Variants in PTPRD observed in about 807,000 individuals in gnomAD.
The protein encoded by PTPRD is receptor-type tyrosine-protein phosphatase delta.
PTPRD carries 34 observed loss-of-function variants against 214.5 expected under a neutral mutation model. The ratio of observed to expected loss-of-function variants is 0.16; its 90% CI spans 0.12 to 0.21. PTPRD has a LOEUF of 0.21. Among genes scored for constraint, PTPRD ranks in the 10% least tolerant of loss-of-function variants. The probability of loss-of-function intolerance (pLI) is 1.00; values close to 1 mark genes in which losing one functional copy is unlikely to be tolerated. For missense variants in PTPRD, 2,545 were observed against 2,398.7 expected (o/e 1.06, Z -1.27); for synonymous variants, 1,128 against 845.7 (o/e 1.33, Z -5.79).
intron 5 of PTPRD, among the ~76,000 whole-genome samples, chr9:9,865,090 C>G (rs1456480733): frequency 5.3e-5 from 8 of 152,014 alleles, no homozygotes; most frequent in Non-Finnish European, 1.2e-4. Flanking sequence ...AATTGCAAAT[C>G]TACTGTTTCT....
chr9:8,718,276 G>T (rs1349717059), intron 12 of PTPRD, among the ~76,000 whole-genome samples: 1 of 152,020 alleles, frequency 6.6e-6, no homozygotes, highest in African/African-American at 2.4e-5. Flanking sequence ...GCCCAGTAGG[G>T]GTGTCAGATT....
chr9:10,076,399 A>G (rs757624541), intron 3 of PTPRD, among the ~76,000 whole-genome samples: 4 of 152,090 alleles, frequency 2.6e-5, no homozygotes, highest in Non-Finnish European at 5.9e-5. Context: ...TTCTTTGGAA[A>G]TGTAGGAAAA....
chr9:9,964,263 C>T (rs936756463), intron 4 of PTPRD, among the ~76,000 whole-genome samples: 4 of 152,146 alleles, frequency 2.6e-5, no homozygotes, highest in Non-Finnish European at 5.9e-5. Context: ...TATTTAACCG[C>T]TACTAGGACA....
intron 7 of PTPRD, among the ~76,000 whole-genome samples, chr9:9,694,038 A>T (rs557628912): frequency 1.3e-5 from 2 of 152,308 alleles, no homozygotes; most frequent in South Asian, 4.1e-4. Flanking sequence ...TCCTCAAAAC[A>T]GCAATTTTGA....
At chr9:10,598,664 T>TTA (rs151215633) in intron 2 of PTPRD, among the ~76,000 whole-genome samples, 4 of 120,112 alleles carry the variant, frequency 3.3e-5, no homozygotes, top group African/African-American at 1.2e-4. Flanking sequence ...TGAACCATTT[T>TTA]TATATATGTA....
intron 7 of PTPRD, among the ~76,000 whole-genome samples, chr9:9,717,446 T>C (rs1238537445): frequency 6.6e-6 from 1 of 152,206 alleles, no homozygotes; most frequent in African/African-American, 2.4e-5. Context: ...TTGGGCAGTA[T>C]GGCCATTTTC....
intron 10 of PTPRD, among the ~76,000 whole-genome samples, chr9:9,147,443 A>G (rs1000546567): frequency 6.6e-6 from 1 of 152,030 alleles, no homozygotes; most frequent in Non-Finnish European, 1.5e-5. Context: ...TGAAGCTTCT[A>G]CTTATTCTCT....
intron 2 of PTPRD, among the ~76,000 whole-genome samples, chr9:10,343,423 T>G (rs924470508): frequency 6.6e-6 from 1 of 152,174 alleles, no homozygotes; most frequent in Non-Finnish European, 1.5e-5. Flanking sequence ...TTGTGAATAG[T>G]GCTGCAATAT....
chr9:8,647,276 T>C (rs72700312), intron 12 of PTPRD, among the ~76,000 whole-genome samples: 6,577 of 152,326 alleles, frequency 0.043, 432 homozygotes, highest in African/African-American at 0.14. Context: ...GACTTTACTC[T>C]TCTAATTGTA....
At chr9:9,562,468 C>A (rs941510044) in intron 8 of PTPRD, among the ~76,000 whole-genome samples, 1 of 152,120 alleles carries the variant, frequency 6.6e-6, no homozygotes, top group Non-Finnish European at 1.5e-5. Context: ...TGCTTAAAAT[C>A]CTTCAATGGC....
chr9:9,874,795 C>A (rs770962326), intron 5 of PTPRD, among the ~76,000 whole-genome samples: 1 of 152,114 alleles, frequency 6.6e-6, no homozygotes, highest in Non-Finnish European at 1.5e-5. Context: ...CATTTGGAAA[C>A]GTATGTAGGA....
intron 43 of PTPRD, among the ~76,000 whole-genome samples, chr9:8,336,982 G>C (rs1847570010): frequency 6.6e-6 from 1 of 152,184 alleles, no homozygotes; most frequent in African/African-American, 2.4e-5. Context: ...AAATAGGAAT[G>C]CTTTTACACT....
chr9:8,409,056 A>C (rs1409032806), intron 35 of PTPRD, among the ~76,000 whole-genome samples: 1 of 152,228 alleles, frequency 6.6e-6, no homozygotes, highest in Non-Finnish European at 1.5e-5. Flanking sequence ...GATGGATTAG[A>C]GGTTTGCATT....
At chr9:10,573,347 A>C (rs17792943) in intron 2 of PTPRD, among the ~76,000 whole-genome samples, 39,945 of 152,060 alleles carry the variant, frequency 0.26, 5,668 homozygotes, top group African/African-American at 0.34. Context: ...AATGCAAGTA[A>C]CCCCAACTCA....
chr9:8,953,963 T>C (rs1309368500), intron 11 of PTPRD, among the ~76,000 whole-genome samples: 1 of 151,972 alleles, frequency 6.6e-6, no homozygotes, highest in Non-Finnish European at 1.5e-5. Context: ...AAAACAGTGC[T>C]ATAATTCAAC....
chr9:10,274,034 C>T (rs766845509), intron 3 of PTPRD, among the ~76,000 whole-genome samples: 1 of 152,056 alleles, frequency 6.6e-6, no homozygotes, highest in Non-Finnish European at 1.5e-5. Flanking sequence ...AACAGAATTT[C>T]ATTCTTGAGA....
intron 3 of PTPRD, among the ~76,000 whole-genome samples, chr9:10,204,714 T>G (rs769078807): frequency 1.8e-4 from 28 of 152,274 alleles, no homozygotes; most frequent in South Asian, 8.3e-4. Flanking sequence ...TTGGAAAAAG[T>G]GTCTGCAATC....
At chr9:10,042,397 AG>A in intron 3 of PTPRD, among the ~76,000 whole-genome samples, 1 of 151,950 alleles carries the variant, frequency 6.6e-6, no homozygotes, top group East Asian at 1.9e-4. Context: ...ACTTACACAA[AG>A]GTAGCTCTAT....
intron 11 of PTPRD, among the ~76,000 whole-genome samples, chr9:8,982,268 C>T (rs2099316677): frequency 6.6e-6 from 1 of 151,932 alleles, no homozygotes; most frequent in Admixed American, 6.6e-5. Context: ...TATAAACTCT[C>T]CTTCCATTGT....
Sources: gnomAD v4.1 joint callset for allele counts (sites outside exome capture counted in the v4.1 genomes callset) on GRCh38, gnomAD v4.1.1 for gene constraint, MANE v1.5 for transcripts, NCBI Gene and HGNC (gene_info 2026-07-23, HGNC 2026-07-21) for gene names.